The following PLCG2 variants were observed in gnomAD, a reference collection of about 807,000 sequenced individuals.
PLCG2 encodes the protein phospholipase C gamma 2.
A neutral mutation model predicts 175.6 loss-of-function variants in PLCG2; 69 were observed. The ratio of observed to expected loss-of-function variants is 0.39; its 90% CI spans 0.32 to 0.48. The LOEUF is 0.48. Ranked by LOEUF, PLCG2 falls within the 20% of genes least tolerant of loss-of-function variation. The pLI, the probability that PLCG2 is intolerant of heterozygous loss-of-function variation, is 0.91. For missense variants in PLCG2, 1,798 were observed against 1,650.9 expected (o/e 1.09, Z -1.54); for synonymous variants, 827 against 624.0 (o/e 1.33, Z -4.85).
At chr16:81,858,678 A>G (rs1906810112) in intron 4 of PLCG2, among the ~76,000 whole-genome samples, 1 of 152,150 alleles carries the variant, frequency 6.6e-6, no homozygotes. Flanking sequence ...GATTCAGTGG[A>G]CTGATCAAAG....
At chr16:81,854,137 C>A (rs895843943) in intron 2 of PLCG2, among the ~76,000 whole-genome samples, 3 of 152,064 alleles carry the variant, frequency 2.0e-5, no homozygotes, top group African/African-American at 7.2e-5. Context: ...TTCCTGAAAT[C>A]TCAGTTGCAT....
intron 2 of PLCG2, among the ~76,000 whole-genome samples, chr16:81,834,559 C>T (rs1055037796): frequency 1.1e-4 from 17 of 151,482 alleles, no homozygotes; most frequent in African/African-American, 2.7e-4. Flanking sequence ...AGAGAGCACT[C>T]GTCACGTGGT....
intron 2 of PLCG2, 107 bp downstream of exon 2, chr16:81,786,289 G>A (rs1910969041): frequency 8.8e-6 from 8 of 910,738 alleles, no homozygotes; most frequent in Non-Finnish European, 1.2e-5. Flanking sequence ...TTGGTTTGAT[G>A]TGTTCTTTTA....
At chr16:81,838,289 G>A (rs937859836) in intron 2 of PLCG2, among the ~76,000 whole-genome samples, 1 of 152,078 alleles carries the variant, frequency 6.6e-6, no homozygotes, top group Non-Finnish European at 1.5e-5. Context: ...GTTTCACCAT[G>A]TTTCCCAGGC....
chr16:81,896,552 T>A (rs1043624079), intron 13 of PLCG2, among the ~76,000 whole-genome samples: 7 of 151,856 alleles, frequency 4.6e-5, no homozygotes, highest in Non-Finnish European at 2.9e-5. Flanking sequence ...CACTGCAGCC[T>A]GGGCAACAGA....
intron 2 of PLCG2, among the ~76,000 whole-genome samples, chr16:81,801,178 AC>A (rs1441707641): frequency 1.3e-5 from 2 of 151,946 alleles, no homozygotes; most frequent in African/African-American, 4.8e-5. Flanking sequence ...AGAATAAATA[AC>A]CCCCAACCCC....
chr16:81,765,187 C>G (rs1910121037), intron 2 of PLCG2, among the ~76,000 whole-genome samples: 1 of 152,236 alleles, frequency 6.6e-6, no homozygotes, highest in African/African-American at 2.4e-5. Flanking sequence ...ATGAAGGCAA[C>G]ACAGCGACAC....
intron 2 of PLCG2, among the ~76,000 whole-genome samples, chr16:81,837,869 T>A (rs1905606970): frequency 1.3e-5 from 2 of 152,116 alleles, no homozygotes; most frequent in Non-Finnish European, 2.9e-5. Context: ...GCCAGGATAT[T>A]AACATTCACA....
chr16:81,949,212 G>T (rs1288293132), intron 31 of PLCG2, among the ~76,000 whole-genome samples: 1 of 152,132 alleles, frequency 6.6e-6, no homozygotes, highest in Non-Finnish European at 1.5e-5. Context: ...TTAAACAGAC[G>T]GTGGAGAGCT....
chr16:81,870,291 C>T (rs562612046), intron 6 of PLCG2, among the ~76,000 whole-genome samples: 1 of 152,138 alleles, frequency 6.6e-6, no homozygotes, highest in African/African-American at 2.4e-5. Flanking sequence ...TAGTGGTTCT[C>T]CCATTTTACA....
intron 2 of PLCG2, among the ~76,000 whole-genome samples, chr16:81,803,913 C>G (rs573653288): frequency 6.6e-6 from 1 of 152,268 alleles, no homozygotes; most frequent in East Asian, 1.9e-4. Context: ...AACTCCTGGC[C>G]TCAAGTGATC....
intron 2 of PLCG2, among the ~76,000 whole-genome samples, chr16:81,807,939 C>T (rs57626691): frequency 0.013 from 2,036 of 152,238 alleles, 49 homozygotes; most frequent in African/African-American, 0.043. Flanking sequence ...GGTGCAAAAC[C>T]GTTAATGAGC....
rs1911720611 is a variant in PLCG2 at position 81,959,960 on chromosome 16, A to G, written c.*1962A>G. On this transcript the variant is annotated 3_prime_UTR_variant, in exon 33 of 33. Transcript: ENST00000564138. ...GCCCAAATGGGTTTTTTGCTACCAT[A>G]TCAAAGAACCTGACATATGGCGGCA... 1 of 204,128 alleles carries G rather than the reference A, an allele frequency of 4.9e-6. No homozygotes were observed. Among genetic ancestry groups the G allele is most frequent in the Admixed American group, 6.0e-5 (1 of 16,756 alleles). 12.6% of individuals were successfully genotyped at this position (204,128 alleles called of 1,614,324 possible). A position where few individuals can be genotyped will look rare whatever the true frequency, so the allele number is the denominator to read the frequency against.
chr16:81,860,739 G>C (rs1906938617), intron 5 of PLCG2, among the ~76,000 whole-genome samples: 1 of 152,196 alleles, frequency 6.6e-6, no homozygotes, highest in Admixed American at 6.5e-5. Flanking sequence ...GGGAGGCAGA[G>C]GCAGGCAGAT....
At chr16:81,886,648 G>A (rs748199878) in intron 9 of PLCG2, among the ~76,000 whole-genome samples, 14 of 152,214 alleles carry the variant, frequency 9.2e-5, no homozygotes, top group Non-Finnish European at 1.3e-4. Context: ...TTAAAAGTAT[G>A]TTTCTAGAAT....
chr16:81,819,742 G>A (rs1455778026), intron 2 of PLCG2, among the ~76,000 whole-genome samples: 2 of 152,096 alleles, frequency 1.3e-5, no homozygotes, highest in African/African-American at 2.4e-5. Flanking sequence ...CCACCACCAT[G>A]CCTGGCTAAT....
chr16:81,875,795 A>C (rs1180153036), intron 7 of PLCG2, among the ~76,000 whole-genome samples: 1 of 152,190 alleles, frequency 6.6e-6, no homozygotes, highest in African/African-American at 2.4e-5. Flanking sequence ...CTGCTAACGT[A>C]TCTCTGGTTG....
chr16:81,777,263 T>C (rs771938495), upstream of PLCG2, among the ~76,000 whole-genome samples: 1 of 152,198 alleles, frequency 6.6e-6, no homozygotes, highest in Non-Finnish European at 1.5e-5. Context: ...ATTCTGATTA[T>C]ATGCAATCTC....
At chr16:81,857,430 T>C (rs993589173) in intron 3 of PLCG2, among the ~76,000 whole-genome samples, 2 of 152,228 alleles carry the variant, frequency 1.3e-5, no homozygotes, top group African/African-American at 4.8e-5. Context: ...CTCTGGCTAC[T>C]GTAATGAAAT....
Sources: gnomAD v4.1 joint callset for allele counts (sites outside exome capture counted in the v4.1 genomes callset) on GRCh38, gnomAD v4.1.1 for gene constraint, MANE v1.5 for transcripts, NCBI Gene and HGNC (gene_info 2026-07-23, HGNC 2026-07-21) for gene names.